NBAS: variants seen among roughly 807,000 people sequenced by gnomAD.
The protein encoded by NBAS is NAG/BC035112 fusion.
Under a neutral mutation model 302.5 loss-of-function variants are expected in NBAS, and 219 were observed. The ratio of observed to expected loss-of-function variants is 0.72; its 90% confidence interval spans 0.65 to 0.81. NBAS has a LOEUF of 0.81. Among genes scored for constraint, NBAS ranks in the 30% least tolerant of loss-of-function variants. The pLI, the probability that NBAS is intolerant of heterozygous loss-of-function variation, is 0.00. For missense variants in NBAS, 2,932 were observed against 2,841.6 expected (o/e 1.03, Z -0.72); for synonymous variants, 1,118 against 1,021.6 (o/e 1.09, Z -1.80).
chr2:14,798,841 TA>T, the NBAS span, among the ~76,000 whole-genome samples: 1 of 152,032 alleles, frequency 6.6e-6, no homozygotes, highest in African/African-American at 2.4e-5. Flanking sequence ...GGTAGGTGGT[TA>T]AATTTATTGG....
At position 15,473,967 on chromosome 2, in the gene NBAS, C is replaced by T. The variant is rs78696696; in HGVS notation, c.1599+100G>A. The T allele has an allele frequency of 1.6e-5, 22 of 1,396,182 alleles. No homozygotes were observed. In the African/African-American group the frequency reaches 1.6e-4, roughly 10 times the overall value. 86.5% of individuals were successfully genotyped at this position (1,396,182 alleles called of 1,614,324 possible). A position where few individuals can be genotyped will look rare whatever the true frequency, so the allele number is the denominator to read the frequency against. Reference sequence around the variant, plus strand: ...TTTTAACATGTCAATGATCCAACATCCCTCTTGAAATTTTCTCCTTTATTA... The same window carrying T: ...TTTTAACATGTCAATGATCCAACATTCCTCTTGAAATTTTCTCCTTTATTA... On this transcript the variant is annotated intron_variant, in intron 15 of 51. Transcript: ENST00000281513.
chr2:15,372,623 C>T (rs1674542246), intron 31 of NBAS, among the ~76,000 whole-genome samples: 1 of 152,198 alleles, frequency 6.6e-6, no homozygotes, highest in East Asian at 1.9e-4. Flanking sequence ...TCCATCTTCA[C>T]ATCCAGAAGG....
At chr2:15,098,292 A>G in the NBAS span, among the ~76,000 whole-genome samples, 1,315 of 2,784 alleles carry the variant, frequency 0.47, 621 homozygotes, top group Middle Eastern at 1. Flanking sequence ...AATATATATT[A>G]TATACAATAT....
Position 15,405,626 on chromosome 2 carries a change from A to G in NBAS, c.2938-3325T>C, listed in dbSNP as rs138364063. Among the ~76,000 whole-genome samples the G allele has an allele frequency of 1.2e-3, 182 of 152,324 alleles. 2 individuals carry two copies. The highest frequency in any genetic ancestry group is 4.3e-3 in the African/African-American group (178 of 41,582). On this transcript the variant is annotated intron_variant, in intron 25 of 51. Transcript: ENST00000281513. ...GCAAGGTAAAATGCAAAAGAATAAT[A>G]ATTTCTAAAAACTCTTAAAATTATG...
chr2:15,297,582 T>C (rs1280209660), intron 40 of NBAS, among the ~76,000 whole-genome samples: 1 of 152,208 alleles, frequency 6.6e-6, no homozygotes, highest in Admixed American at 6.5e-5. Flanking sequence ...GGCTTCCCCA[T>C]CGCCTTCTGC....
chr2:14,874,999 T>G, the NBAS span, among the ~76,000 whole-genome samples: 4 of 152,026 alleles, frequency 2.6e-5, no homozygotes, highest in African/African-American at 9.7e-5. Context: ...AAGGACTTCT[T>G]ATTCTATGAA....
intron 36 of NBAS, among the ~76,000 whole-genome samples, chr2:15,330,157 T>C (rs1463729216): frequency 1.3e-5 from 2 of 152,176 alleles, no homozygotes; most frequent in African/African-American, 4.8e-5. Context: ...GACTGCAGTA[T>C]GAGAATGCAG....
At chr2:14,857,649 C>T in the NBAS span, among the ~76,000 whole-genome samples, 3 of 152,138 alleles carry the variant, frequency 2.0e-5, no homozygotes, top group Non-Finnish European at 4.4e-5. Flanking sequence ...AGACCTCTTT[C>T]TTGCTATATA....
At chr2:14,817,034 A>G in the NBAS span, among the ~76,000 whole-genome samples, 1 of 152,194 alleles carries the variant, frequency 6.6e-6, no homozygotes, top group Non-Finnish European at 1.5e-5. Context: ...CTCTTCCCTG[A>G]GGAGAGAAGA....
At chr2:15,251,155 C>T (rs1572528067) in intron 44 of NBAS, among the ~76,000 whole-genome samples, 1 of 152,144 alleles carries the variant, frequency 6.6e-6, no homozygotes, top group Non-Finnish European at 1.5e-5. Flanking sequence ...ATGTCCTTTG[C>T]AGGGCCATGA....
At chr2:14,958,490 C>A in the NBAS span, among the ~76,000 whole-genome samples, 1 of 152,090 alleles carries the variant, frequency 6.6e-6, no homozygotes, top group Non-Finnish European at 1.5e-5. Context: ...CCAAGGGGAC[C>A]CAACTGGCAA....
At chr2:15,280,645 T>G (rs1669783043) in intron 42 of NBAS, among the ~76,000 whole-genome samples, 1 of 152,234 alleles carries the variant, frequency 6.6e-6, no homozygotes, top group Non-Finnish European at 1.5e-5. Context: ...AATAAAGCAA[T>G]GAAGCTGATA....
chr2:15,277,241 G>A (rs1669628258), intron 42 of NBAS, 140 bp from the exon 43 acceptor site: 3 of 1,049,840 alleles, frequency 2.9e-6, no homozygotes, highest in Non-Finnish European at 4.1e-6. Flanking sequence ...ACCACCAGAA[G>A]CCAGTCAGCC....
intron 51 of NBAS, among the ~76,000 whole-genome samples, chr2:15,169,910 T>C (rs1363755753): frequency 6.6e-6 from 1 of 152,238 alleles, no homozygotes; most frequent in Non-Finnish European, 1.5e-5. Context: ...ATGTGTTATC[T>C]TGGTTCATCC....
At chr2:15,363,650 A>C (rs186073115) in intron 32 of NBAS, among the ~76,000 whole-genome samples, 1 of 152,320 alleles carries the variant, frequency 6.6e-6, no homozygotes, top group East Asian at 1.9e-4. Flanking sequence ...TCTGCCTATA[A>C]AGGACAAAGA....
At chr2:15,352,188 T>C in intron 34 of NBAS, 107 bp from the exon 35 acceptor site, 1 of 768,532 alleles carries the variant, frequency 1.3e-6, no homozygotes, top group South Asian at 1.5e-5. Context: ...GAAAATTACC[T>C]TTTCATAATG....
the NBAS span, among the ~76,000 whole-genome samples, chr2:14,974,598 C>A: frequency 2.0e-5 from 3 of 152,152 alleles, no homozygotes; most frequent in African/African-American, 7.2e-5. Context: ...TGTTAAAATG[C>A]TCATAAAGCT....
At chr2:15,034,296 G>GAAAGAAAGAAAGAAAGAAAGAA in the NBAS span, among the ~76,000 whole-genome samples, 102 of 102,704 alleles carry the variant, frequency 9.9e-4, 2 homozygotes, top group Non-Finnish European at 1.4e-3. Context: ...AAGAAAGAAA[G>GAAAGAAAGAAAGAAAGAAAGAA]AAAGAAAGAT....
chr2:14,873,482 G>T, the NBAS span, among the ~76,000 whole-genome samples: 1 of 152,154 alleles, frequency 6.6e-6, no homozygotes, highest in Non-Finnish European at 1.5e-5. Flanking sequence ...CTCCCAAAGT[G>T]CTGGGATTTC....
Sources: gnomAD v4.1 joint callset for allele counts (sites outside exome capture counted in the v4.1 genomes callset) on GRCh38, gnomAD v4.1.1 for gene constraint, MANE v1.5 for transcripts, NCBI Gene and HGNC (gene_info 2026-07-23, HGNC 2026-07-21) for gene names.